UNC5C: variants seen among roughly 807,000 people sequenced by gnomAD.
The protein encoded by UNC5C is unc-5 netrin receptor C.
UNC5C carries 47 observed loss-of-function variants against 99.8 expected under a neutral mutation model. That is an observed-to-expected ratio of 0.47 (90% CI 0.37 to 0.60). The LOEUF (loss-of-function observed/expected upper bound fraction) is 0.60, where lower values mean the gene tolerates loss of function less well. Ranked by LOEUF, UNC5C falls within the 20% of genes least tolerant of loss-of-function variation. The pLI, the probability that UNC5C is intolerant of heterozygous loss-of-function variation, is 0.00. For missense variants in UNC5C, 1,062 were observed against 1,165.9 expected, an observed-to-expected ratio of 0.91 and a Z score of 1.30; for synonymous variants, 487 against 452.2, an observed-to-expected ratio of 1.08 and a Z score of -0.98.
Position 95,372,936 on chromosome 4 carries a change from C to T in UNC5C, c.125-37305G>A, listed in dbSNP as rs1022238587. Among the ~76,000 whole-genome samples the T allele has an allele frequency of 2.6e-5, 4 of 152,246 alleles. No homozygotes were observed. The East Asian group carries it at 7.7e-4, about 29-fold the overall frequency. ...AGGAAGAATCCTCAAGCAGCTACAC[C>T]ATCACAGGAGAGTAAAAACAATACA... On this transcript the variant is annotated intron_variant, in intron 1 of 15. Coordinates refer to ENST00000453304, the MANE Select transcript of UNC5C (RefSeq NM_003728.4).
At chr4:95,179,889 G>A (rs1194750640) in intron 14 of UNC5C, among the ~76,000 whole-genome samples, 1 of 151,970 alleles carries the variant, frequency 6.6e-6, no homozygotes, top group Non-Finnish European at 1.5e-5. Flanking sequence ...CTTTTCTCTG[G>A]GAGCTAATTT....
chr4:95,204,905 G>T (rs2149361533), intron 11 of UNC5C, among the ~76,000 whole-genome samples: 1 of 152,310 alleles, frequency 6.6e-6, no homozygotes, highest in East Asian at 1.9e-4. Context: ...TGTTTTAATA[G>T]CATCAGTGAA....
chr4:95,442,753 G>C lies in UNC5C; in HGVS notation c.124+105981C>G, dbSNP rs556874760. ...AATATAATAATGCGCCAAATAATTA[G>C]TAATGTATGCAGACGTGTCCTTAAT... On this transcript the variant is annotated intron_variant, in intron 1 of 15. Transcript: ENST00000453304. Among the ~76,000 whole-genome samples the C allele has an allele frequency of 2.0e-5, 3 of 152,146 alleles. No homozygotes were observed. In the South Asian group the frequency reaches 6.2e-4, roughly 32 times the overall value.
chr4:95,415,813 C>T (rs1200862920), intron 1 of UNC5C, among the ~76,000 whole-genome samples: 1 of 151,854 alleles, frequency 6.6e-6, no homozygotes, highest in East Asian at 1.9e-4. Flanking sequence ...AAAGTACAGG[C>T]GTTAAATGGC....
chr4:95,361,778 C>CA (rs1245456882), intron 1 of UNC5C, among the ~76,000 whole-genome samples: 1 of 152,016 alleles, frequency 6.6e-6, no homozygotes, highest in Non-Finnish European at 1.5e-5. Context: ...TATGATCTGT[C>CA]AAAAAAATCA....
intron 6 of UNC5C, 23 bp downstream of exon 6, chr4:95,244,954 A>G: frequency 6.2e-7 from 1 of 1,612,422 alleles, no homozygotes; most frequent in Admixed American, 1.7e-5. Context: ...AGATACTTGG[A>G]ATGAGAGGAC....
intron 1 of UNC5C, among the ~76,000 whole-genome samples, chr4:95,445,151 G>A (rs1373724114): frequency 6.6e-6 from 1 of 152,102 alleles, no homozygotes; most frequent in Non-Finnish European, 1.5e-5. Flanking sequence ...AGGGCATAGA[G>A]ACAATTCATA....
intron 1 of UNC5C, among the ~76,000 whole-genome samples, chr4:95,525,406 C>G (rs1460173238): frequency 6.6e-6 from 1 of 151,984 alleles, no homozygotes; most frequent in Non-Finnish European, 1.5e-5. Flanking sequence ...TTCACTCTTT[C>G]TATTCAGTCA....
intron 1 of UNC5C, among the ~76,000 whole-genome samples, chr4:95,445,370 G>C (rs1747069939): frequency 6.6e-6 from 1 of 151,964 alleles, no homozygotes; most frequent in Non-Finnish European, 1.5e-5. Context: ...CAGTGAAAAG[G>C]GGAGGGAATG....
intron 1 of UNC5C, among the ~76,000 whole-genome samples, chr4:95,493,752 T>G (rs1560483805): frequency 2.0e-5 from 3 of 151,402 alleles, no homozygotes; most frequent in Non-Finnish European, 4.4e-5. Context: ...AAAAGCTGGC[T>G]GTATATTCCT....
At chr4:95,240,531 A>C (rs1168805207) in intron 7 of UNC5C, among the ~76,000 whole-genome samples, 1 of 152,214 alleles carries the variant, frequency 6.6e-6, no homozygotes, top group Admixed American at 6.5e-5. Flanking sequence ...AGCAAATCAG[A>C]GCTGCAGAAA....
rs536039867 is a variant in UNC5C at position 95,424,518 on chromosome 4, C to CTTTTTTTTTTTTTTTTTTTTTTTTTTTTT, written c.125-88888_125-88887insAAAAAAAAAAAAAAAAAAAAAAAAAAAAA. On this transcript the variant is annotated intron_variant, in intron 1 of 15. Transcript: ENST00000453304. Reference sequence around the variant, plus strand: ...GGCTTCAGAATTTTTTTTTTCTTTTCTTTTTTTTTTTTTTTTTTTTTGAGA... The same window carrying CTTTTTTTTTTTTTTTTTTTTTTTTTTTTT: ...GGCTTCAGAATTTTTTTTTTCTTTTCTTTTTTTTTTTTTTTTTTTTTTTTTTTTTTTTTTTTTTTTTTTTTTTTTTGAGA... 3.5e-4 allele frequency among the ~76,000 whole-genome samples: 24 copies of CTTTTTTTTTTTTTTTTTTTTTTTTTTTTT among 67,962 alleles called. 6 individuals are homozygous for CTTTTTTTTTTTTTTTTTTTTTTTTTTTTT. Among genetic ancestry groups the CTTTTTTTTTTTTTTTTTTTTTTTTTTTTT allele is most frequent in the East Asian group, 3.3e-3 (5 of 1,508 alleles). The allele number at this position is 67,962 out of a possible 152,430, so 44.6% of individuals were successfully genotyped here.
intron 2 of UNC5C, among the ~76,000 whole-genome samples, chr4:95,324,397 C>T (rs916709858): frequency 6.6e-6 from 1 of 152,152 alleles, no homozygotes; most frequent in Admixed American, 6.5e-5. Flanking sequence ...ATTGATTCTA[C>T]ATTATGGTGA....
At chr4:95,342,858 T>C (rs571230170) in intron 1 of UNC5C, among the ~76,000 whole-genome samples, 2 of 151,286 alleles carry the variant, frequency 1.3e-5, no homozygotes, top group African/African-American at 4.9e-5. Context: ...AAGTGAACAT[T>C]GGTGGTAGTC....
At chr4:95,408,041 TATG>T (rs752198740) in intron 1 of UNC5C, among the ~76,000 whole-genome samples, 1 of 152,212 alleles carries the variant, frequency 6.6e-6, no homozygotes, top group Non-Finnish European at 1.5e-5. Context: ...GTTTTACTAT[TATG>T]GTAAAAATAT....
intron 2 of UNC5C, among the ~76,000 whole-genome samples, chr4:95,323,479 AT>A (rs1408582365): frequency 6.6e-6 from 1 of 152,240 alleles, no homozygotes; most frequent in Non-Finnish European, 1.5e-5. Flanking sequence ...GTTTCACTCA[AT>A]TTAATGAAGA....
chr4:95,305,522 C>A (rs952115751), intron 2 of UNC5C, among the ~76,000 whole-genome samples: 1 of 152,124 alleles, frequency 6.6e-6, no homozygotes, highest in African/African-American at 2.4e-5. Context: ...CATTTGGGAA[C>A]CTGAAATTGG....
rs1735731652 is a variant in UNC5C, at chr4:95,162,958, C to T, written c.*6276G>A. The T allele has an allele frequency of 6.6e-6, 1 of 152,170 alleles. No homozygotes were observed. The highest frequency in any genetic ancestry group is 2.1e-4 in the South Asian group (1 of 4,828). 9.4% of individuals were successfully genotyped at this position (152,170 alleles called of 1,614,324 possible). On this transcript the variant is annotated 3_prime_UTR_variant, in exon 16 of 16. Transcript: ENST00000453304. The stretch of plus-strand genomic sequence containing the variant: ...CAACACGACTGCTGGGGATTTTTCT[C>T]TGACAAACATTGGTGTCTTCTTTAC...
intron 3 of UNC5C, among the ~76,000 whole-genome samples, chr4:95,301,344 T>C (rs1231728732): frequency 2.0e-5 from 3 of 151,974 alleles, no homozygotes; most frequent in South Asian, 2.1e-4. Flanking sequence ...TACAGGCGCC[T>C]GCCACCATGC....
Sources: allele counts gnomAD v4.1 joint callset (sites outside exome capture counted in the v4.1 genomes callset), GRCh38; gene constraint gnomAD v4.1.1; transcripts MANE v1.5; gene names NCBI Gene and HGNC (gene_info 2026-07-23, HGNC 2026-07-21).